Variants in ELP1 observed in about 807,000 individuals in gnomAD.
ELP1 encodes the protein elongator acetyltransferase complex subunit 1, also known as elongator complex protein 1.
In ELP1, 131 loss-of-function variants were observed where a neutral mutation model predicts 183.2. The ratio of observed to expected loss-of-function variants is 0.72; its 90% CI spans 0.62 to 0.83. The LOEUF is 0.83. Ranked by LOEUF, ELP1 falls within the 40% of genes least tolerant of loss-of-function variation. The pLI is 0.00. For synonymous variants in ELP1, 555 were observed against 569.0 expected, an observed-to-expected ratio of 0.98 and a Z score of 0.35; for missense variants, 1,550 against 1,594.9, an observed-to-expected ratio of 0.97 and a Z score of 0.48.
At chr9:108,912,003 G>A (rs937376977) in intron 11 of ELP1, among the ~76,000 whole-genome samples, 1 of 152,110 alleles carries the variant, frequency 6.6e-6, no homozygotes, top group African/African-American at 2.4e-5. Flanking sequence ...TAGAGTCAAA[G>A]TTTTCAGTGT....
At chr9:108,881,606 ATAT>A (rs1827931749) in intron 31 of ELP1, 96 bp downstream of exon 31, 2 of 777,848 alleles carry the variant, frequency 2.6e-6, no homozygotes, top group Admixed American at 3.8e-5. Context: ...TCTACATGAC[ATAT>A]TATTAAGAAA....
chr9:108,924,592 A>G (rs1255917420), intron 5 of ELP1, among the ~76,000 whole-genome samples: 1 of 152,044 alleles, frequency 6.6e-6, no homozygotes, highest in African/African-American at 2.4e-5. Flanking sequence ...CCAGAGTTCC[A>G]CCCTGGATTC....
At chr9:108,921,770 A>T (rs1393521758) in intron 6 of ELP1, among the ~76,000 whole-genome samples, 3 of 152,216 alleles carry the variant, frequency 2.0e-5, no homozygotes, top group African/African-American at 7.2e-5. Context: ...GTTAAATTAG[A>T]CCCACTATGC....
intron 16 of ELP1, 42 bp downstream of exon 16, chr9:108,902,797 G>A: frequency 1.4e-6 from 2 of 1,453,010 alleles, no homozygotes; most frequent in East Asian, 2.3e-5. Context: ...TCAGTCCCTG[G>A]GTAACTACTT....
chr9:108,873,456 C>T (rs1481748380), intron 36 of ELP1, among the ~76,000 whole-genome samples: 2 of 152,138 alleles, frequency 1.3e-5, no homozygotes, highest in East Asian at 3.9e-4. Context: ...CTTGAAACCA[C>T]AAGGGTAATG....
intron 13 of ELP1, among the ~76,000 whole-genome samples, chr9:108,908,093 C>G (rs1426162597): frequency 6.6e-6 from 1 of 152,230 alleles, no homozygotes; most frequent in African/African-American, 2.4e-5. Flanking sequence ...TGGCTTACAA[C>G]TCATGCTCTC....
At chr9:108,881,631 A>G in intron 31 of ELP1, 74 bp downstream of exon 31, 1 of 891,048 alleles carries the variant, frequency 1.1e-6, no homozygotes, top group African/African-American at 1.6e-5. Flanking sequence ...CACAGTAAAT[A>G]GGAGGAGACT....
chr9:108,932,966 C>T (rs1830048376), intron 1 of ELP1, among the ~76,000 whole-genome samples: 1 of 152,190 alleles, frequency 6.6e-6, no homozygotes, highest in Non-Finnish European at 1.5e-5. Context: ...TTCCCTTGCT[C>T]CTTCGACTAT....
intron 8 of ELP1, 28 bp from the exon 9 acceptor site, chr9:108,917,698 A>G (rs745669278): frequency 1.2e-6 from 2 of 1,613,204 alleles, no homozygotes; most frequent in Admixed American, 3.3e-5. Context: ...GTGTTACAAT[A>G]TCGAAAGCTC....
intron 28 of ELP1, 22 bp from the exon 29 acceptor site, chr9:108,889,415 G>A (rs2131966315): frequency 1.2e-6 from 2 of 1,610,344 alleles, no homozygotes; most frequent in East Asian, 4.5e-5. Context: ...ATAAGCAGCA[G>A]TTGACTACAA....
Position 108,902,898 on chromosome 9 carries a change from A to C in ELP1, c.1795T>G (p.Phe599Val). Residue 599 changes from phenylalanine to valine, a missense_variant, in exon 16 of 37, where the codon TTT becomes GTT. Phe to Val is a conservative substitution (Grantham distance 50). Transcript: ENST00000374647. ...AIKPWKNSGG[F>V]PVRFPYPCTQ... The stretch of plus-strand genomic sequence containing the variant: ...CATGGATAAGGAAACCGAACAGGAA[A>C]TCCACCAGAGTTCTTCCATGGTTTA... The C allele has an allele frequency of 6.2e-7, 1 of 1,614,038 alleles. No homozygotes were observed. Among genetic ancestry groups the C allele is most frequent in the Non-Finnish European group, 8.5e-7 (1 of 1,179,926 alleles).
intron 32 of ELP1, 64 bp downstream of exon 32, chr9:108,879,988 C>A: frequency 9.8e-7 from 1 of 1,016,232 alleles, no homozygotes. Flanking sequence ...GCAATCTAGA[C>A]AATGTGTGGC....
intron 28 of ELP1, 60 bp downstream of exon 28, chr9:108,891,143 C>A: frequency 6.5e-7 from 1 of 1,540,298 alleles, no homozygotes; most frequent in Non-Finnish European, 9.0e-7. Context: ...AATTACCAAA[C>A]AAAAGAAATA....
intron 12 of ELP1, among the ~76,000 whole-genome samples, chr9:108,910,446 G>T (rs950023876): frequency 6.6e-6 from 1 of 152,184 alleles, no homozygotes. Context: ...CATAACCACA[G>T]AACTCACAAG....
chr9:108,927,318 G>GA, intron 4 of ELP1, 54 bp downstream of exon 4: 3 of 1,407,936 alleles, frequency 2.1e-6, no homozygotes, highest in Non-Finnish European at 3.0e-6. Context: ...AAGCCTGTAA[G>GA]ACATCTGGAA....
chr9:108,893,385 C>T (rs777050174), intron 26 of ELP1, among the ~76,000 whole-genome samples: 1 of 152,170 alleles, frequency 6.6e-6, no homozygotes, highest in Non-Finnish European at 1.5e-5. Flanking sequence ...ACATGCACGC[C>T]TCAGTCCTAT....
chr9:108,929,729 G>T (rs1242502691), intron 3 of ELP1, 40 bp downstream of exon 3: 4 of 1,608,506 alleles, frequency 2.5e-6, no homozygotes, highest in African/African-American at 2.7e-5. Flanking sequence ...CCTATTTGAG[G>T]ATGCTTGAGA....
At chr9:108,922,561 G>A (rs901998646) in intron 6 of ELP1, among the ~76,000 whole-genome samples, 2 of 152,186 alleles carry the variant, frequency 1.3e-5, no homozygotes, top group Non-Finnish European at 2.9e-5. Flanking sequence ...GATACACAGG[G>A]GGTTTCCTTT....
At chr9:108,905,376 C>T (rs1022338602) in intron 14 of ELP1, among the ~76,000 whole-genome samples, 1 of 152,146 alleles carries the variant, frequency 6.6e-6, no homozygotes, top group Non-Finnish European at 1.5e-5. Flanking sequence ...CTAGAAAATG[C>T]TATCAACTAT....
Sources: allele counts gnomAD v4.1 joint callset (sites outside exome capture counted in the v4.1 genomes callset), GRCh38; gene constraint gnomAD v4.1.1; transcripts MANE v1.5; gene names NCBI Gene and HGNC (gene_info 2026-07-23, HGNC 2026-07-21).